GCC1: variants seen among roughly 807,000 people sequenced by gnomAD.
GCC1 encodes GRIP and coiled-coil domain containing 1, also known as GRIP and coiled-coil domain-containing protein 1.
A neutral mutation model predicts 62.5 loss-of-function variants in GCC1; 36 were observed. The observed-to-expected ratio is 0.58, with a 90% CI of 0.44 to 0.76. The LOEUF (loss-of-function observed/expected upper bound fraction) is 0.76, where lower values mean the gene tolerates loss of function less well. Among genes scored for constraint, GCC1 ranks in the 30% least tolerant of loss-of-function variants. GCC1 has a pLI of 0.00. For synonymous variants in GCC1, 391 were observed against 386.8 expected (o/e 1.01, Z -0.13); for missense variants, 885 against 948.3 (o/e 0.93, Z 0.88).
In GCC1 at chr7:127,582,610, T is replaced by C; in HGVS notation, c.1732A>G (p.Thr578Ala). ...ERCQLDFRDR[T>A]LKLEEELHKQ... Reference sequence around the variant, plus strand: ...TGCAGCTCCTCCTCCAGTTTCAGTGTGCGGTCCCTGAAGTCCAGCTGGCAC... The same window carrying C: ...TGCAGCTCCTCCTCCAGTTTCAGTGCGCGGTCCCTGAAGTCCAGCTGGCAC... The change falls in exon 2 of 2, where the codon ACA (threonine) becomes GCA (alanine). Residue 578 changes from threonine (T) to alanine (A), a missense_variant. Physicochemically the swap from Thr to Ala is moderately conservative, Grantham distance 58 (BLOSUM62 0). Transcript: ENST00000321407. This position sits in a 1 kb window ranked among gnomAD's most constrained non-coding sequence, Gnocchi z 4.8. The C allele has an allele frequency of 6.2e-7, 1 of 1,612,792 alleles. No individual in the cohort carries two copies. Among genetic ancestry groups the C allele is most frequent in the South Asian group, 1.1e-5 (1 of 91,078 alleles).
chr7:127,583,124 CT>C lies in GCC1; in HGVS notation c.1217del (p.Lys406ArgfsTer5). 2 of 1,614,178 alleles carry C rather than the reference CT, an allele frequency of 1.2e-6. No homozygotes were observed. The highest frequency in any genetic ancestry group is 1.7e-6 in the Non-Finnish European group (2 of 1,180,040). On this transcript the variant is annotated frameshift_variant, in exon 2 of 2. Coordinates refer to ENST00000321407, the MANE Select transcript of GCC1 (RefSeq NM_024523.6). The stretch of plus-strand genomic sequence containing the variant: ...TGCTGGAGGCTGCTAGAGCCAGTGT[CT>C]TGTTCTCCAGGTCCAGCTGCAGAAT... ...ERILQLDLEN[K>X]TLALAASSRS...
In GCC1 at chr7:127,582,405, G is replaced by C. The variant is rs746543321; in HGVS notation, c.1937C>G (p.Ala646Gly). The C allele has an allele frequency of 5.5e-5, 89 of 1,614,098 alleles. No individual in the cohort carries two copies. The highest frequency in any genetic ancestry group is 8.5e-7 in the Non-Finnish European group (1 of 1,180,052). ...SDSLTQALQLAAANEPTFFLY... is the reference protein window; with the variant it reads ...SDSLTQALQLGAANEPTFFLY... The stretch of plus-strand genomic sequence containing the variant: ...AAAGAAAGTGGGCTCATTGGCCGCT[G>C]CAAGTTGTAATGCTTGGGTCAGGCT... Residue 646 changes from alanine to glycine, a missense_variant, in exon 2 of 2, where the codon GCA becomes GGA. Transcript: ENST00000321407. The surrounding 1 kb of genome is among the most constrained non-coding windows in gnomAD (Gnocchi z 4.8).
Position 127,582,729 on chromosome 7 carries a change from C to A in GCC1, c.1613G>T (p.Cys538Phe), listed in dbSNP as rs747315951. 1 of 1,614,152 alleles carries A rather than the reference C, an allele frequency of 6.2e-7. No homozygotes were observed. Among genetic ancestry groups the A allele is most frequent in the South Asian group, 1.1e-5 (1 of 91,082 alleles). The change falls in exon 2 of 2, where the codon TGC becomes TTC. Residue 538 changes from cysteine to phenylalanine, a missense_variant. Cys to Phe is a radical substitution (Grantham distance 205). Transcript: ENST00000321407. The surrounding 1 kb of genome is among the most constrained non-coding windows in gnomAD (Gnocchi z 4.8). ...KEKYISLRLS[C>F]EELEHQHQQE... is the part of the protein sequence containing the mutation. Reference sequence around the variant, plus strand: ...CTGGTGTTGGTGCTCCAGCTCCTCGCAGGAGAGCCGCAGGGAAATATACTT... The same window carrying A: ...CTGGTGTTGGTGCTCCAGCTCCTCGAAGGAGAGCCGCAGGGAAATATACTT...
chr7:127,584,970 A>T lies in GCC1; in HGVS notation c.213T>A (p.Gly71=). 1 of 1,614,128 alleles carries T rather than the reference A, an allele frequency of 6.2e-7. No individual in the cohort carries two copies. Among genetic ancestry groups the T allele is most frequent in the Non-Finnish European group, 8.5e-7 (1 of 1,180,018 alleles). The change falls in exon 1 of 2, where the codon GGT becomes GGA. Residue 71 remains glycine (G), a synonymous_variant. Coordinates refer to ENST00000321407, the MANE Select transcript of GCC1 (RefSeq NM_024523.6). ...VSHEADVGLA[G]VQLPGLTFPD... ...GAAAGGTGAGGCCTGGAAGCTGGACACCTGCGAGGCCCACATCTGCCTCGT... is the reference window on the plus strand; with the variant it reads ...GAAAGGTGAGGCCTGGAAGCTGGACTCCTGCGAGGCCCACATCTGCCTCGT...
rs1386042958 is a variant in GCC1, at chr7:127,582,076, C to T, written c.2266G>A (p.Glu756Lys). 1 of 1,614,070 alleles carries T rather than the reference C, an allele frequency of 6.2e-7. No homozygotes were observed. The highest frequency in any genetic ancestry group is 8.5e-7 in the Non-Finnish European group (1 of 1,180,044). Reference sequence around the variant, plus strand: ...GGGAGTCGCATTATCACTTGTTTCTCCTCTGGACTGAAGTGCAAGATAGTC... The same window carrying T: ...GGGAGTCGCATTATCACTTGTTTCTTCTCTGGACTGAAGTGCAAGATAGTC... ...ILTILHFSPE[E>K]KQVIMRLPTS... The change falls in exon 2 of 2, where the codon GAG (glutamate) becomes AAG (lysine). Residue 756 changes from glutamate to lysine, a missense_variant. Transcript: ENST00000321407. The surrounding 1 kb of genome is among the most constrained non-coding windows in gnomAD (Gnocchi z 4.8).
chr7:127,585,502 C>T lies in GCC1; in HGVS notation c.-320G>A, dbSNP rs987890033. The T allele has an allele frequency of 6.4e-6, 2 of 311,496 alleles. No homozygotes were observed. Among genetic ancestry groups the T allele is most frequent in the Non-Finnish European group, 1.2e-5 (2 of 168,412 alleles). 19.3% of individuals were successfully genotyped at this position (311,496 alleles called of 1,614,324 possible). On this transcript the variant is annotated 5_prime_UTR_variant, in exon 1 of 2. Transcript: ENST00000321407. ...CACTCTCCGCTCGTCTGGGCCACAG[C>T]AGCCCGGGCCGGCCCCCTCGGCCCA...
rs755571260 is a variant in GCC1 at position 127,584,973 on chromosome 7, T to C, written c.210A>G (p.Ala70=). The change falls in exon 1 of 2, where the codon GCA becomes GCG. Residue 70 remains alanine (A), a synonymous_variant. Coordinates refer to ENST00000321407, the MANE Select transcript of GCC1 (RefSeq NM_024523.6). ...SVSHEADVGL[A]GVQLPGLTFP... Reference sequence around the variant, plus strand: ...AGGTGAGGCCTGGAAGCTGGACACCTGCGAGGCCCACATCTGCCTCGTGGG... The same window carrying C: ...AGGTGAGGCCTGGAAGCTGGACACCCGCGAGGCCCACATCTGCCTCGTGGG... The C allele has an allele frequency of 3.1e-6, 5 of 1,614,186 alleles. No individual in the cohort carries two copies. The highest frequency in any genetic ancestry group is 3.4e-6 in the Non-Finnish European group (4 of 1,180,034).
rs914304017 is a variant in GCC1, at chr7:127,581,819, A to C, written c.*195T>G. ...CAGAAGATACTGCCCCAGGACTTTC[A>C]GTATCTCTAGGGCCTAAGGATAAAG... is the stretch of plus-strand genomic sequence containing the variant. On this transcript the variant is annotated 3_prime_UTR_variant, in exon 2 of 2. Transcript: ENST00000321407. 12 of 589,310 alleles carry C rather than the reference A, an allele frequency of 2.0e-5. No homozygotes were observed. The highest frequency in any genetic ancestry group is 6.1e-5 in the Admixed American group (2 of 32,706). 36.5% of individuals were successfully genotyped at this position (589,310 alleles called of 1,614,324 possible). A position where few individuals can be genotyped will look rare whatever the true frequency, so the allele number is the denominator to read the frequency against.
At position 127,582,541 on chromosome 7, in the gene GCC1, A is replaced by T. The variant is rs766893283; in HGVS notation, c.1801T>A (p.Leu601Met). 1 of 1,611,254 alleles carries T rather than the reference A, an allele frequency of 6.2e-7. No homozygotes were observed. The highest frequency in any genetic ancestry group is 2.2e-5 in the East Asian group (1 of 44,802). Residue 601 changes from leucine (L) to methionine (M), a missense_variant, in exon 2 of 2, where the codon TTG (leucine) becomes ATG (methionine). Physicochemically the swap from Leu to Met is conservative, Grantham distance 15 (BLOSUM62 2). Coordinates refer to ENST00000321407, the MANE Select transcript of GCC1 (RefSeq NM_024523.6). The surrounding 1 kb of genome is among the most constrained non-coding windows in gnomAD (Gnocchi z 4.8). ...RALAVLTEKD[L>M]ELEQLRSVAL... ...ACAGAACGCAGTTGCTCCAGTTCCA[A>T]GTCCTTCTCGGTGAGCACAGCTAGG...
chr7:127,585,299 A>G lies in GCC1; in HGVS notation c.-117T>C, dbSNP rs1247489411. ...CGGGCTGTCCGGCGGCGGGCCGCAC[A>G]CCTACTCCACCTAGTTATCCCGGAC... is the stretch of plus-strand genomic sequence containing the variant. On this transcript the variant is annotated 5_prime_UTR_variant, in exon 1 of 2. Coordinates refer to ENST00000321407, the MANE Select transcript of GCC1 (RefSeq NM_024523.6). The G allele has an allele frequency of 1.1e-6, 1 of 914,090 alleles. No homozygotes were observed. Among genetic ancestry groups the G allele is most frequent in the African/African-American group, 1.7e-5 (1 of 59,860 alleles). 56.6% of individuals were successfully genotyped at this position (914,090 alleles called of 1,614,324 possible).
rs966624454 is a variant in GCC1 at position 127,580,841 on chromosome 7, A to G, written c.*1173T>C. The G allele has an allele frequency of 6.6e-6, 1 of 152,250 alleles. No homozygotes were observed. The highest frequency in any genetic ancestry group is 1.9e-4 in the East Asian group (1 of 5,202). 9.4% of individuals were successfully genotyped at this position (152,250 alleles called of 1,614,324 possible). On this transcript the variant is annotated 3_prime_UTR_variant, in exon 2 of 2. Coordinates refer to ENST00000321407, the MANE Select transcript of GCC1 (RefSeq NM_024523.6). ...TTAGTGGCCAAACATTGGTCTTTAG[A>G]GTCCAAAGACCTCTATAACCAGTAA...
rs376581431 is a variant in GCC1 at position 127,585,227 on chromosome 7, G to T, written c.-45C>A. 5.3e-6 allele frequency: 8 copies of T among 1,513,166 alleles called. No homozygotes were observed. In the African/African-American group the frequency reaches 1.1e-4, roughly 21 times the overall value. 93.7% of individuals were successfully genotyped at this position (1,513,166 alleles called of 1,614,324 possible). A position where few individuals can be genotyped will look rare whatever the true frequency, so the allele number is the denominator to read the frequency against. Reference sequence around the variant, plus strand: ...CCCCACGTCAGCTTTCCAGCAGAACGGGAGAGGGCCGTGAAGACGCAGGCG... The same window carrying T: ...CCCCACGTCAGCTTTCCAGCAGAACTGGAGAGGGCCGTGAAGACGCAGGCG... On this transcript the variant is annotated 5_prime_UTR_variant, in exon 1 of 2. Coordinates refer to ENST00000321407, the MANE Select transcript of GCC1 (RefSeq NM_024523.6).
rs752286199 is a variant in GCC1, at chr7:127,584,260, G to A, written c.923C>T (p.Ala308Val). 3.1e-6 allele frequency: 5 copies of A among 1,613,438 alleles called. No homozygotes were observed. Among genetic ancestry groups the A allele is most frequent in the Admixed American group, 3.3e-5 (2 of 59,904 alleles). Reference sequence around the variant, plus strand: ...TGGCTGATTCTTCTCATCTCGAATGGCCTGCAGTTCACTTTTCAGCTCCTC... The same window carrying A: ...TGGCTGATTCTTCTCATCTCGAATGACCTGCAGTTCACTTTTCAGCTCCTC... ...EVEELKSELQ[A>V]IRDEKNQPDP... Residue 308 changes from alanine (A) to valine (V), a missense_variant, in exon 1 of 2, where the codon GCC (alanine) becomes GTC (valine). Transcript: ENST00000321407.
chr7:127,584,115 C>T, intron 1 of GCC1, 36 bp downstream of exon 1: 1 of 1,576,054 alleles, frequency 6.3e-7, no homozygotes, highest in Non-Finnish European at 8.7e-7. Flanking sequence ...CACTTCAGGT[C>T]AATGGCTGAT....
chr7:127,585,143 T>C lies in GCC1; in HGVS notation c.40A>G (p.Lys14Glu). 6.2e-7 allele frequency: 1 copy of C among 1,608,046 alleles called. No individual in the cohort carries two copies. Residue 14 changes from lysine (K) to glutamate (E), a missense_variant, in exon 1 of 2, where the codon AAG (lysine) becomes GAG (glutamate). Transcript: ENST00000321407. ...FGMNFGGGPS[K>E]KDLLETIETQ... ...TCTATAGTCTCCAGCAAGTCCTTCT[T>C]GCTCGGGCCGCCCCCGAAATTCATC... is the stretch of plus-strand genomic sequence containing the variant.
rs1221150780 is a variant in GCC1, at chr7:127,585,148, G to C, written c.35C>G (p.Pro12Arg). 3.7e-6 allele frequency: 6 copies of C among 1,606,768 alleles called. No homozygotes were observed. The highest frequency in any genetic ancestry group is 5.1e-6 in the Non-Finnish European group (6 of 1,176,612). ...AGTCTCCAGCAAGTCCTTCTTGCTC[G>C]GGCCGCCCCCGAAATTCATCCCAAA... The part of the protein sequence containing the change: ...EKFGMNFGGG[P>R]SKKDLLETIE... The change falls in exon 1 of 2, where the codon CCG becomes CGG. Residue 12 changes from proline to arginine, a missense_variant. Coordinates refer to ENST00000321407, the MANE Select transcript of GCC1 (RefSeq NM_024523.6).
chr7:127,582,255 C>T lies in GCC1; in HGVS notation c.2087G>A (p.Arg696His), dbSNP rs773682905. The T allele has an allele frequency of 1.8e-5, 29 of 1,614,082 alleles. No homozygotes were observed. In the Admixed American group the frequency reaches 3.5e-4, roughly 19 times the overall value. ...GCTCTGCAGGGCTGCAACCTCCTCACGATGCCGTTCGCCCTCCTCCAGCAG... is the reference window on the plus strand; with the variant it reads ...GCTCTGCAGGGCTGCAACCTCCTCATGATGCCGTTCGCCCTCCTCCAGCAG... ...DRLLEEGERH[R>H]EEVAALQSHI... The change falls in exon 2 of 2, where the codon CGT becomes CAT. Residue 696 changes from arginine (R) to histidine (H), a missense_variant. Arg to His is a conservative substitution (Grantham distance 29). Coordinates refer to ENST00000321407, the MANE Select transcript of GCC1 (RefSeq NM_024523.6). This position sits in a 1 kb window ranked among gnomAD's most constrained non-coding sequence, Gnocchi z 4.8.
At position 127,584,926 on chromosome 7, in the gene GCC1, C is replaced by T. The variant is rs560808114; in HGVS notation, c.257G>A (p.Arg86Gln). Residue 86 changes from arginine to glutamine, a missense_variant, in exon 1 of 2, where the codon CGG (arginine) becomes CAG (glutamine). Arg to Gln is a conservative substitution (Grantham distance 43, BLOSUM62 1). Transcript: ENST00000321407. ...GLTFPDSVDDRCSTHSEDSTG... is the reference protein window; with the variant it reads ...GLTFPDSVDDQCSTHSEDSTG... ...GCTATCCTCGCTGTGAGTGGAGCAC[C>T]GGTCATCCACAGAGTCAGGAAAGGT... 1 of 1,614,164 alleles carries T rather than the reference C, an allele frequency of 6.2e-7. No individual in the cohort carries two copies. The highest frequency in any genetic ancestry group is 1.7e-5 in the Admixed American group (1 of 60,028).
Position 127,581,775 on chromosome 7 carries a change from C to A in GCC1, c.*239G>T. 1.9e-6 allele frequency: 1 copy of A among 539,066 alleles called. No homozygotes were observed. The highest frequency in any genetic ancestry group is 3.4e-5 in the Admixed American group (1 of 29,612). 33.4% of individuals were successfully genotyped at this position (539,066 alleles called of 1,614,324 possible). A position where few individuals can be genotyped will look rare whatever the true frequency, so the allele number is the denominator to read the frequency against. On this transcript the variant is annotated 3_prime_UTR_variant, in exon 2 of 2. Coordinates refer to ENST00000321407, the MANE Select transcript of GCC1 (RefSeq NM_024523.6). ...CACTTCTCAGTCCTAACCTCATCTT[C>A]TCCTCACATGCACACCATCAGAAGA...
Sources: allele counts gnomAD v4.1 joint callset, GRCh38; gene constraint gnomAD v4.1.1; non-coding constraint Gnocchi (gnomAD v3.1); transcripts MANE v1.5; gene names NCBI Gene and HGNC (gene_info 2026-07-23, HGNC 2026-07-21).